Variants in MMP16 observed in about 807,000 individuals in gnomAD.
The protein encoded by MMP16 is matrix metalloproteinase-16.
In MMP16, 12 loss-of-function variants were observed where a neutral mutation model predicts 67.8. The observed-to-expected ratio is 0.18, with a 90% confidence interval of 0.11 to 0.29. The LOEUF is 0.29. Ranked by LOEUF, MMP16 falls within the 10% of genes least tolerant of loss-of-function variation. The pLI, the probability that MMP16 is intolerant of heterozygous loss-of-function variation, is 1.00. For missense variants in MMP16, 475 were observed against 765.7 expected (o/e 0.62, Z 4.48); for synonymous variants, 249 against 255.9 (o/e 0.97, Z 0.26).
At chr8:88,305,681 A>T (rs1811200853) in intron 1 of MMP16, among the ~76,000 whole-genome samples, 1 of 152,238 alleles carries the variant, frequency 6.6e-6, no homozygotes, top group South Asian at 2.1e-4. Flanking sequence ...CTGCTCCTGA[A>T]TGACTTTGGG....
chr8:88,158,703 C>G (rs927824317), intron 4 of MMP16, among the ~76,000 whole-genome samples: 2 of 152,172 alleles, frequency 1.3e-5, no homozygotes, highest in African/African-American at 4.8e-5. Flanking sequence ...GCTTTTGTTG[C>G]CATTGCTTTT....
intron 1 of MMP16, among the ~76,000 whole-genome samples, chr8:88,230,257 A>G (rs1017797434): frequency 7.9e-5 from 12 of 152,140 alleles, no homozygotes; most frequent in Non-Finnish European, 1.0e-4. Flanking sequence ...GATGGGGACC[A>G]TATGTGGGAA....
intron 4 of MMP16, among the ~76,000 whole-genome samples, chr8:88,167,403 G>A (rs1319465747): frequency 6.6e-6 from 1 of 151,992 alleles, no homozygotes; most frequent in Non-Finnish European, 1.5e-5. Flanking sequence ...GAATCACATT[G>A]TGAAGAAGAC....
At chr8:88,323,490 G>A (rs1299430145) in intron 1 of MMP16, among the ~76,000 whole-genome samples, 1 of 151,892 alleles carries the variant, frequency 6.6e-6, no homozygotes, top group East Asian at 1.9e-4. Flanking sequence ...TCTTTAATCA[G>A]GAACAACAAA....
intron 1 of MMP16, among the ~76,000 whole-genome samples, chr8:88,259,723 T>G (rs1270292993): frequency 6.6e-6 from 1 of 152,150 alleles, no homozygotes; most frequent in Admixed American, 6.5e-5. Flanking sequence ...TTAAATACTA[T>G]GCGGACATAA....
intron 3 of MMP16, among the ~76,000 whole-genome samples, chr8:88,180,024 G>A (rs775771923): frequency 6.6e-6 from 1 of 152,164 alleles, no homozygotes; most frequent in Non-Finnish European, 1.5e-5. Context: ...GCTCACACGT[G>A]CAATCCCAGC....
At chr8:88,136,522 G>A (rs1431775467) in intron 4 of MMP16, among the ~76,000 whole-genome samples, 1 of 151,606 alleles carries the variant, frequency 6.6e-6, no homozygotes, top group African/African-American at 2.4e-5. Flanking sequence ...ATCTGCTTGA[G>A]TCTCCTTCTT....
At chr8:88,114,357 T>C (rs1809393633) in intron 6 of MMP16, among the ~76,000 whole-genome samples, 1 of 151,952 alleles carries the variant, frequency 6.6e-6, no homozygotes, top group Admixed American at 6.6e-5. Context: ...TCAAAATTCA[T>C]TACAACTCCA....
chr8:88,295,197 C>A (rs1380030773), intron 1 of MMP16, among the ~76,000 whole-genome samples: 1 of 152,144 alleles, frequency 6.6e-6, no homozygotes, highest in African/African-American at 2.4e-5. Context: ...TAGTAGTTAA[C>A]AAAGACACAT....
chr8:88,056,392 T>C (rs1444476495), intron 7 of MMP16, 114 bp from the exon 8 acceptor site: 2 of 320,790 alleles, frequency 6.2e-6, no homozygotes, highest in Admixed American at 1.1e-4. Context: ...AAAATTATAC[T>C]AAATATATAT....
chr8:88,200,177 CA>C (rs1451031331), intron 1 of MMP16, among the ~76,000 whole-genome samples: 1 of 151,876 alleles, frequency 6.6e-6, no homozygotes, highest in Non-Finnish European at 1.5e-5. Flanking sequence ...TCAGGAAAGA[CA>C]AACAACATGG....
chr8:88,064,767 G>A (rs1808442775), intron 7 of MMP16, among the ~76,000 whole-genome samples: 1 of 152,024 alleles, frequency 6.6e-6, no homozygotes, highest in African/African-American at 2.4e-5. Flanking sequence ...TTATAGATAG[G>A]TTGCTCAGGA....
Position 88,055,893 on chromosome 8 carries a change from G to GA in MMP16, c.1373+234dup, listed in dbSNP as rs28991902. On this transcript the variant is annotated intron_variant, in intron 8 of 9. Transcript: ENST00000286614. ...GGGCATGTTACAATTATGGGGAAAT[G>GA]AAAAAAAACATATGCTAGGTATACA... is the stretch of plus-strand genomic sequence containing the variant. Among the ~76,000 whole-genome samples, 35 of 151,362 alleles carry GA rather than the reference G, an allele frequency of 2.3e-4. 1 individual carries two copies. The highest frequency in any genetic ancestry group is 9.7e-4 in the East Asian group (5 of 5,166).
intron 4 of MMP16, among the ~76,000 whole-genome samples, chr8:88,155,058 T>C (rs1808485751): frequency 6.6e-6 from 1 of 152,084 alleles, no homozygotes; most frequent in South Asian, 2.1e-4. Flanking sequence ...TGTTGAAGGA[T>C]GAGTATGTGA....
intron 1 of MMP16, among the ~76,000 whole-genome samples, chr8:88,228,362 G>A (rs1809803615): frequency 6.6e-6 from 1 of 151,994 alleles, no homozygotes; most frequent in African/African-American, 2.4e-5. Flanking sequence ...ACTGCAGAAC[G>A]ATTAAAATGA....
At chr8:88,223,356 G>A (rs1809716552) in intron 1 of MMP16, among the ~76,000 whole-genome samples, 1 of 151,968 alleles carries the variant, frequency 6.6e-6, no homozygotes, top group Non-Finnish European at 1.5e-5. Flanking sequence ...TATACCCAAA[G>A]GATTTTAAAT....
chr8:88,289,171 G>C (rs894188852), intron 1 of MMP16, among the ~76,000 whole-genome samples: 4 of 152,116 alleles, frequency 2.6e-5, no homozygotes, highest in Non-Finnish European at 4.4e-5. Flanking sequence ...GAGAGAGAAA[G>C]AGAGTGTGAG....
At chr8:88,108,912 G>A (rs1276356135) in intron 6 of MMP16, among the ~76,000 whole-genome samples, 1 of 151,222 alleles carries the variant, frequency 6.6e-6, no homozygotes, top group Non-Finnish European at 1.5e-5. Context: ...GTTGTGTGTT[G>A]TAAAGTCTGT....
intron 6 of MMP16, among the ~76,000 whole-genome samples, chr8:88,107,636 T>C (rs1010954111): frequency 2.6e-5 from 4 of 151,182 alleles, no homozygotes; most frequent in African/African-American, 9.7e-5. Flanking sequence ...TTTATCAAAA[T>C]CGTATTTTGG....
Sources: gnomAD v4.1 joint callset for allele counts (sites outside exome capture counted in the v4.1 genomes callset) on GRCh38, gnomAD v4.1.1 for gene constraint, MANE v1.5 for transcripts, NCBI Gene and HGNC (gene_info 2026-07-23, HGNC 2026-07-21) for gene names.